ASMTL: variants seen among roughly 807,000 people sequenced by gnomAD.
ASMTL encodes probable bifunctional dTTP/UTP pyrophosphatase/methyltransferase protein.
Under a neutral mutation model 60.3 loss-of-function variants are expected in ASMTL, and 57 were observed. The observed-to-expected ratio is 0.95, with a 90% CI of 0.76 to 1.18. The LOEUF (loss-of-function observed/expected upper bound fraction) is 1.18. ASMTL is among the 50% of genes most tolerant of loss of function. The pLI is 0.00. For missense variants in ASMTL, 981 were observed against 852.6 expected, an observed-to-expected ratio of 1.15 and a Z score of -1.88; for synonymous variants, 419 against 373.0, an observed-to-expected ratio of 1.12 and a Z score of -1.42.
chrX:1,417,081 G>A (rs1422142302), intron 11 of ASMTL, among the ~76,000 whole-genome samples: 1 of 149,960 alleles, frequency 6.7e-6, no homozygotes, highest in African/African-American at 2.5e-5. Flanking sequence ...CACACACCAT[G>A]CACATAGATG....
intron 5 of ASMTL, among the ~76,000 whole-genome samples, chrX:1,433,287 G>C (rs749946341): frequency 1.3e-4 from 20 of 152,012 alleles, no homozygotes; most frequent in Admixed American, 1.2e-3. Flanking sequence ...GGCAGGCTTT[G>C]GTTGTCATGG....
At chrX:1,434,042 T>C (rs1412904975) in intron 5 of ASMTL, among the ~76,000 whole-genome samples, 5 of 152,114 alleles carry the variant, frequency 3.3e-5, no homozygotes, top group Non-Finnish European at 7.4e-5. Flanking sequence ...GACCCGGCCC[T>C]TCACCTGTGG....
chrX:1,452,897 C>T lies in ASMTL; in HGVS notation c.-57G>A. On this transcript the variant is annotated 5_prime_UTR_variant, in exon 1 of 13. Transcript: ENST00000381317. ...TTCTGAGCCCGGAGCCCGCGGTGCG[C>T]GCAGCGCGGCTGCAAAAAAAACAGG... 1.5e-6 allele frequency: 2 copies of T among 1,342,404 alleles called. No homozygotes were observed. Among genetic ancestry groups the T allele is most frequent in the Non-Finnish European group, 2.0e-6 (2 of 1,007,376 alleles). The allele number at this position is 1,342,404 out of a possible 1,614,324, so 83.2% of individuals were successfully genotyped here.
intron 1 of ASMTL, among the ~76,000 whole-genome samples, chrX:1,449,209 A>T (rs146533167): frequency 0.012 from 1,773 of 152,172 alleles, 21 homozygotes; most frequent in Non-Finnish European, 0.02. Context: ...TTGTTCTCCA[A>T]AATAAACCCG....
intron 6 of ASMTL, among the ~76,000 whole-genome samples, chrX:1,430,037 C>T (rs1379483597): frequency 2.7e-5 from 4 of 150,132 alleles, no homozygotes; most frequent in East Asian, 2.0e-4. Context: ...TTTTAAAAGA[C>T]GGAGTCTCGC....
chrX:1,418,973 G>GT lies in ASMTL; in HGVS notation c.1378+8_1378+9insA. 1 of 1,611,780 alleles carries GT rather than the reference G, an allele frequency of 6.2e-7. No individual in the cohort carries two copies. On this transcript the variant is annotated intron_variant, in intron 10 of 12. Transcript: ENST00000381317. ...AAGTAAGGAGAGCCCTGGCGGGGGG[G>GT]CCACCCACCTCCCACGTCGCAGGCG...
Position 1,418,978 on chromosome X carries a change from C to T in ASMTL, c.1378+4G>A, listed in dbSNP as rs751355108. ...AGGAGAGCCCTGGCGGGGGGGCCAC[C>T]CACCTCCCACGTCGCAGGCGGAGGA... is the stretch of plus-strand genomic sequence containing the variant. On this transcript the variant is annotated splice_donor_region_variant and intron_variant, in intron 10 of 12. Transcript: ENST00000381317. 2 of 1,611,698 alleles carry T rather than the reference C, an allele frequency of 1.2e-6. No homozygotes were observed. Among genetic ancestry groups the T allele is most frequent in the Non-Finnish European group, 1.7e-6 (2 of 1,179,816 alleles).
chrX:1,452,124 C>A (rs1368314306), intron 1 of ASMTL, among the ~76,000 whole-genome samples: 2 of 143,550 alleles, frequency 1.4e-5, no homozygotes, highest in Admixed American at 6.9e-5. Flanking sequence ...TCCTGGGTCA[C>A]TCTCCCCAAC....
At chrX:1,413,126 C>A in intron 11 of ASMTL, 1 of 460,012 alleles carries the variant, frequency 2.2e-6, no homozygotes, top group South Asian at 3.1e-5. Flanking sequence ...ATTTTGGGAG[C>A]CTGAGGTGGG....
chrX:1,404,449 A>AATAGATGGGTAGGTAGGTAG (rs2089724600), intron 12 of ASMTL, among the ~76,000 whole-genome samples: 1 of 148,766 alleles, frequency 6.7e-6, no homozygotes, highest in Non-Finnish European at 1.5e-5. Flanking sequence ...TGGATGGGTG[A>AATAGATGGGTAGGTAGGTAG]ATAGATGGGT....
At chrX:1,439,193 A>C in intron 2 of ASMTL, 49 bp from the exon 3 acceptor site, 6 of 1,602,218 alleles carry the variant, frequency 3.7e-6, no homozygotes, top group Non-Finnish European at 5.1e-6. Context: ...CGTGGGTCTC[A>C]CAGAGAAGTT....
chrX:1,449,850 C>T lies in ASMTL; in HGVS notation c.93+2898G>A, dbSNP rs372510944. ...CTCCCATCACCAGTAACTATCCCCA[C>T]ATCACCAGTAACTACCCCCATCACC... On this transcript the variant is annotated intron_variant, in intron 1 of 12. Transcript: ENST00000381317. Among the ~76,000 whole-genome samples the T allele has an allele frequency of 1.0e-4, 15 of 148,682 alleles. No homozygotes were observed. The East Asian group carries it at 1.4e-3, about 14-fold the overall frequency.
intron 2 of ASMTL, among the ~76,000 whole-genome samples, chrX:1,439,985 C>A (rs1366586249): frequency 6.6e-6 from 1 of 152,106 alleles, no homozygotes; most frequent in East Asian, 1.9e-4. Context: ...AGCTCAGCCC[C>A]GCACTGGCCT....
At chrX:1,416,631 C>G (rs747397460) in intron 11 of ASMTL, among the ~76,000 whole-genome samples, 5 of 151,510 alleles carry the variant, frequency 3.3e-5, no homozygotes, top group Non-Finnish European at 5.9e-5. Flanking sequence ...ACACACATAC[C>G]CTCACACATA....
At chrX:1,405,062 G>A (rs1223542942) in intron 12 of ASMTL, among the ~76,000 whole-genome samples, 2 of 151,712 alleles carry the variant, frequency 1.3e-5, no homozygotes. Context: ...GTAGATAGAT[G>A]AATGGATGGA....
At chrX:1,446,891 T>C (rs1247397119) in intron 1 of ASMTL, among the ~76,000 whole-genome samples, 1 of 152,222 alleles carries the variant, frequency 6.6e-6, no homozygotes, top group Non-Finnish European at 1.5e-5. Context: ...ATTCTAGTCT[T>C]GCCTAATGGT....
intron 12 of ASMTL, among the ~76,000 whole-genome samples, chrX:1,407,363 G>T (rs2089902156): frequency 6.6e-6 from 1 of 151,314 alleles, no homozygotes; most frequent in South Asian, 2.1e-4. Context: ...TGTATTGATG[G>T]TAGGTGATGG....
At chrX:1,448,669 A>AAG in intron 1 of ASMTL, among the ~76,000 whole-genome samples, 1 of 150,242 alleles carries the variant, frequency 6.7e-6, no homozygotes, top group South Asian at 2.1e-4. Context: ...CATCTTGGAG[A>AAG]CACACCATCT....
chrX:1,440,325 C>T (rs191034471), intron 2 of ASMTL, among the ~76,000 whole-genome samples: 4,729 of 151,982 alleles, frequency 0.031, 257 homozygotes, highest in African/African-American at 0.11. Context: ...CTCCTGACCT[C>T]GTGATCCGCC....
Sources: gnomAD v4.1 joint callset for allele counts (sites outside exome capture counted in the v4.1 genomes callset) on GRCh38, gnomAD v4.1.1 for gene constraint, MANE v1.5 for transcripts, NCBI Gene and HGNC (gene_info 2026-07-23, HGNC 2026-07-21) for gene names.